CRPPA: variants seen among roughly 807,000 people sequenced by gnomAD.
The protein encoded by CRPPA is CDP-L-ribitol pyrophosphorylase A.
In CRPPA, 43 loss-of-function variants were observed where a neutral mutation model predicts 52.0. That is an observed-to-expected ratio of 0.83 (90% CI 0.65 to 1.07). CRPPA has a LOEUF of 1.07. Ranked by LOEUF, CRPPA falls within the 50% of genes least tolerant of loss-of-function variation. The pLI is 0.00. For missense variants in CRPPA, 629 were observed against 551.7 expected, an observed-to-expected ratio of 1.14 and a Z score of -1.40; for synonymous variants, 250 against 203.5, an observed-to-expected ratio of 1.23 and a Z score of -1.94.
intron 3 of CRPPA, among the ~76,000 whole-genome samples, chr7:16,351,873 G>A (rs1786164283): frequency 6.6e-6 from 1 of 152,082 alleles, no homozygotes. Flanking sequence ...CAAGAATCTA[G>A]AACCAGAAAT....
At chr7:16,215,504 T>C (rs1217196913) in intron 9 of CRPPA, among the ~76,000 whole-genome samples, 1 of 152,228 alleles carries the variant, frequency 6.6e-6, no homozygotes, top group Non-Finnish European at 1.5e-5. Context: ...ACAGTGACAA[T>C]GAATGCATTT....
chr7:16,290,684 G>T (rs746439008), intron 5 of CRPPA, among the ~76,000 whole-genome samples: 2 of 151,938 alleles, frequency 1.3e-5, no homozygotes, highest in Non-Finnish European at 2.9e-5. Flanking sequence ...GCAAAACTAT[G>T]AAAATAACTG....
At chr7:16,221,401 C>T (rs1384701670) in intron 8 of CRPPA, among the ~76,000 whole-genome samples, 1 of 152,030 alleles carries the variant, frequency 6.6e-6, no homozygotes, top group Non-Finnish European at 1.5e-5. Context: ...ACTTCATGTC[C>T]AAAACACCAA....
intron 6 of CRPPA, among the ~76,000 whole-genome samples, chr7:16,272,412 A>G (rs1784110634): frequency 6.6e-6 from 1 of 152,070 alleles, no homozygotes; most frequent in Non-Finnish European, 1.5e-5. Context: ...AAAGGAAAAC[A>G]TTTTTTCTTT....
intron 6 of CRPPA, among the ~76,000 whole-genome samples, chr7:16,275,168 C>T (rs1305415337): frequency 5.3e-5 from 8 of 151,984 alleles, no homozygotes; most frequent in Non-Finnish European, 1.2e-4. Context: ...GGGAGTAAAC[C>T]AAGAAAGACA....
At chr7:16,202,646 A>G (rs1781885768) in intron 9 of CRPPA, among the ~76,000 whole-genome samples, 1 of 152,226 alleles carries the variant, frequency 6.6e-6, no homozygotes, top group Non-Finnish European at 1.5e-5. Flanking sequence ...AAGCATGAAG[A>G]ATGACAGGGA....
At chr7:16,374,934 A>C (rs979683800) in intron 3 of CRPPA, among the ~76,000 whole-genome samples, 9 of 152,314 alleles carry the variant, frequency 5.9e-5, no homozygotes, top group Non-Finnish European at 1.2e-4. Context: ...CAATTCCAAC[A>C]AGATTTTCAT....
intron 3 of CRPPA, among the ~76,000 whole-genome samples, chr7:16,360,003 A>G (rs570302986): frequency 6.6e-6 from 1 of 152,232 alleles, no homozygotes; most frequent in South Asian, 2.1e-4. Context: ...TATGTCCTCC[A>G]TTTTATTTTT....
intron 3 of CRPPA, among the ~76,000 whole-genome samples, chr7:16,368,494 T>C (rs1441812384): frequency 1.3e-5 from 2 of 152,226 alleles, no homozygotes; most frequent in Non-Finnish European, 2.9e-5. Flanking sequence ...TTTTGACTTT[T>C]AAATTATCAA....
intron 9 of CRPPA, among the ~76,000 whole-genome samples, chr7:16,114,490 G>A (rs1224417206): frequency 6.6e-6 from 1 of 151,946 alleles, no homozygotes; most frequent in Non-Finnish European, 1.5e-5. Flanking sequence ...AAGAAAGAAG[G>A]GAGCTACTGA....
chr7:16,227,928 A>AT (rs1782693615), intron 8 of CRPPA, among the ~76,000 whole-genome samples: 1 of 151,776 alleles, frequency 6.6e-6, no homozygotes. Context: ...ATATGGTGTG[A>AT]GATAAGGGTC....
chr7:16,131,415 T>C (rs1308982505), intron 9 of CRPPA, among the ~76,000 whole-genome samples: 1 of 152,094 alleles, frequency 6.6e-6, no homozygotes, highest in Non-Finnish European at 1.5e-5. Flanking sequence ...TAGAAACATG[T>C]TATTGGAAAC....
chr7:16,401,729 C>CA (rs1359446232), intron 2 of CRPPA, among the ~76,000 whole-genome samples: 1 of 152,154 alleles, frequency 6.6e-6, no homozygotes, highest in Non-Finnish European at 1.5e-5. Flanking sequence ...TCCCTTATAA[C>CA]AAAGTCCTCA....
At chr7:16,205,068 C>T (rs960927653) in intron 9 of CRPPA, among the ~76,000 whole-genome samples, 11 of 152,150 alleles carry the variant, frequency 7.2e-5, no homozygotes, top group Non-Finnish European at 1.5e-4. Context: ...CAGCACTTGG[C>T]AAGACAGAGG....
chr7:16,159,118 T>C (rs1783247357), intron 9 of CRPPA, among the ~76,000 whole-genome samples: 1 of 152,132 alleles, frequency 6.6e-6, no homozygotes, highest in Non-Finnish European at 1.5e-5. Flanking sequence ...AAGTTATGCA[T>C]TAAAAATTGG....
At chr7:16,106,271 T>C (rs1782149666) in intron 9 of CRPPA, among the ~76,000 whole-genome samples, 1 of 152,268 alleles carries the variant, frequency 6.6e-6, no homozygotes, top group African/African-American at 2.4e-5. Flanking sequence ...AGTAGTCAAT[T>C]GTCAACCACG....
At chr7:16,345,997 T>C (rs1388446932) in intron 3 of CRPPA, among the ~76,000 whole-genome samples, 1 of 152,220 alleles carries the variant, frequency 6.6e-6, no homozygotes, top group Non-Finnish European at 1.5e-5. Context: ...TTCTAAGGTG[T>C]TATTTAGTAA....
chr7:16,307,758 C>T (rs1417225455), intron 4 of CRPPA, among the ~76,000 whole-genome samples: 1 of 149,634 alleles, frequency 6.7e-6, no homozygotes, highest in African/African-American at 2.5e-5. Context: ...TCTAATTCCT[C>T]ACAGTGGGAC....
chr7:16,139,990 G>C (rs1782836452), intron 9 of CRPPA, among the ~76,000 whole-genome samples: 1 of 151,102 alleles, frequency 6.6e-6, no homozygotes, highest in African/African-American at 2.4e-5. Context: ...AAGATTACTA[G>C]TATCTTGCCA....
Sources: gnomAD v4.1 joint callset for allele counts (sites outside exome capture counted in the v4.1 genomes callset) on GRCh38, gnomAD v4.1.1 for gene constraint, MANE v1.5 for transcripts, NCBI Gene and HGNC (gene_info 2026-07-23, HGNC 2026-07-21) for gene names.